The following DPM1 variants were observed in gnomAD, a reference collection of about 807,000 sequenced individuals.
DPM1 encodes the protein dolichyl-phosphate mannosyltransferase subunit 1, catalytic, also known as dolichol-phosphate mannosyltransferase subunit 1.
A neutral mutation model predicts 39.0 loss-of-function variants in DPM1; 27 were observed. The observed-to-expected ratio is 0.69, with a 90% confidence interval of 0.51 to 0.95. The LOEUF (loss-of-function observed/expected upper bound fraction) is 0.95, where lower values mean the gene tolerates loss of function less well. DPM1 is among the 40% of genes least tolerant of loss of function. The pLI, the probability that DPM1 is intolerant of heterozygous loss-of-function variation, is 0.00. For synonymous variants in DPM1, 124 were observed against 109.0 expected (o/e 1.14, Z -0.86); for missense variants, 307 against 315.6 (o/e 0.97, Z 0.21).
rs200223569 is a variant in DPM1, at chr20:50,955,292, A to G, written c.162-7T>C. On this transcript the variant is annotated splice_polypyrimidine_tract_variant and splice_region_variant and intron_variant, in intron 1 of 8. Coordinates refer to ENST00000371588, the MANE Select transcript of DPM1 (RefSeq NM_003859.3). Reference sequence around the variant, plus strand: ...AATTTCATAGTTGATTCCACTAAAAAAATTAAATTTGTATTAATGACTGAT... The same window carrying G: ...AATTTCATAGTTGATTCCACTAAAAGAATTAAATTTGTATTAATGACTGAT... 2 of 1,597,966 alleles carry G rather than the reference A, an allele frequency of 1.3e-6. No individual in the cohort carries two copies. Among genetic ancestry groups the G allele is most frequent in the South Asian group, 2.2e-5 (2 of 90,696 alleles).
chr20:50,948,497 G>A, intron 3 of DPM1, 132 bp downstream of exon 3: 1 of 923,436 alleles, frequency 1.1e-6, no homozygotes, highest in Non-Finnish European at 1.8e-6. Context: ...CCATTTAAAT[G>A]TCATTAAGAT....
intron 5 of DPM1, among the ~76,000 whole-genome samples, chr20:50,943,865 G>A (rs1444694658): frequency 1.3e-5 from 2 of 150,840 alleles, no homozygotes; most frequent in Non-Finnish European, 2.9e-5. Flanking sequence ...TCAGCCTCCC[G>A]AGTAGCTGGG....
At chr20:50,936,026 A>G (rs531697997) in intron 8 of DPM1, 122 bp downstream of exon 8, 5 of 714,660 alleles carry the variant, frequency 7.0e-6, no homozygotes, top group Non-Finnish European at 1.2e-5. Context: ...TGAATATTCT[A>G]AACAACTAGA....
At chr20:50,938,360 A>T (rs996283260) in intron 7 of DPM1, among the ~76,000 whole-genome samples, 1 of 152,062 alleles carries the variant, frequency 6.6e-6, no homozygotes, top group African/African-American at 2.4e-5. Context: ...TCTTATGAGA[A>T]GACAATGAGA....
intron 7 of DPM1, among the ~76,000 whole-genome samples, chr20:50,938,365 A>AT (rs1985390905): frequency 6.6e-6 from 1 of 151,890 alleles, no homozygotes; most frequent in African/African-American, 2.4e-5. Context: ...TGAGAAGACA[A>AT]TGAGATTTAA....
intron 2 of DPM1, among the ~76,000 whole-genome samples, chr20:50,950,727 A>C (rs1185065303): frequency 6.6e-6 from 1 of 152,106 alleles, no homozygotes; most frequent in Non-Finnish European, 1.5e-5. Context: ...AAAATTAGCC[A>C]GGTGTAGTGG....
intron 6 of DPM1, 131 bp from the exon 7 acceptor site, chr20:50,941,064 A>T: frequency 9.7e-7 from 1 of 1,032,190 alleles, no homozygotes; most frequent in East Asian, 2.6e-5. Flanking sequence ...AATGTTATTT[A>T]TCTAGAACAA....
At chr20:50,957,576 T>G (rs1601063531) in intron 1 of DPM1, among the ~76,000 whole-genome samples, 2 of 152,268 alleles carry the variant, frequency 1.3e-5, no homozygotes, top group Middle Eastern at 6.8e-3. Flanking sequence ...CAAAAGGCGC[T>G]GGAAATAATC....
intron 5 of DPM1, 86 bp from the exon 6 acceptor site, chr20:50,942,212 G>T: frequency 8.0e-7 from 1 of 1,243,692 alleles, no homozygotes; most frequent in South Asian, 1.2e-5. Context: ...AAACTTTTAA[G>T]AGAAGTCGAC....
At chr20:50,941,264 A>G (rs1985745721) in intron 6 of DPM1, 1 of 167,962 alleles carries the variant, frequency 6.0e-6, no homozygotes, top group Admixed American at 6.9e-5. Flanking sequence ...ATATATATAT[A>G]AATAAAATAC....
intron 5 of DPM1, among the ~76,000 whole-genome samples, chr20:50,943,886 C>CA (rs1986087500): frequency 6.6e-6 from 1 of 151,970 alleles, no homozygotes; most frequent in African/African-American, 2.4e-5. Flanking sequence ...ACTACAGGTG[C>CA]ACACCACCAT....
At chr20:50,948,185 G>C (rs1410251225) in intron 3 of DPM1, among the ~76,000 whole-genome samples, 1 of 152,176 alleles carries the variant, frequency 6.6e-6, no homozygotes, top group Non-Finnish European at 1.5e-5. Flanking sequence ...TCCTACCTCT[G>C]ACTGGGAATT....
chr20:50,958,482 C>T lies in DPM1; in HGVS notation c.42G>A (p.Arg14=). 3 of 1,614,004 alleles carry T rather than the reference C, an allele frequency of 1.9e-6. No individual in the cohort carries two copies. Among genetic ancestry groups the T allele is most frequent in the Non-Finnish European group, 2.5e-6 (3 of 1,180,034 alleles). Residue 14 remains arginine, a synonymous_variant, in exon 1 of 9, where the codon CGG becomes CGA. Transcript: ENST00000371588. ...LEVSRSPRRS[R]RELEVRSPRQ... is the part of the protein sequence containing the mutation. ...GTGGACTGCGCACTTCCAGCTCCCG[C>T]CGAGACCTGCGAGGACTACGACTGA... is the stretch of plus-strand genomic sequence containing the variant.
At chr20:50,948,740 C>A in intron 2 of DPM1, 78 bp from the exon 3 acceptor site, 11 of 1,252,790 alleles carry the variant, frequency 8.8e-6, no homozygotes, top group South Asian at 1.2e-5. Flanking sequence ...TTCAAAAGTG[C>A]ATACTCACTT....
chr20:50,948,629 C>A lies in DPM1; in HGVS notation c.295G>T (p.Gly99Ter). 1 of 1,613,922 alleles carries A rather than the reference C, an allele frequency of 6.2e-7. No homozygotes were observed. The highest frequency in any genetic ancestry group is 8.5e-7 in the Non-Finnish European group (1 of 1,179,828). The change falls in exon 3 of 9, where the codon GGA becomes TGA. Residue 99 changes from glycine (G) to a stop codon, truncating the protein, a stop_gained and splice_region_variant. Coordinates refer to ENST00000371588, the MANE Select transcript of DPM1 (RefSeq NM_003859.3). LOFTEE classifies it high-confidence loss of function. ...AGGGGTTAGAGATTACACGACTTAC[C>A]TAGTCCCAACTTTTTCTCTCGTGGT... The part of the protein sequence containing the change: ...LRPREKKLGL[G>*]TAYIHGMKHA...
At chr20:50,935,595 T>C (rs920251697) in intron 8 of DPM1, among the ~76,000 whole-genome samples, 16 of 152,212 alleles carry the variant, frequency 1.1e-4, no homozygotes, top group African/African-American at 3.9e-4. Context: ...GCTACAATGG[T>C]TTAGCATTAA....
chr20:50,945,615 A>G (rs1160479393), intron 5 of DPM1, 122 bp downstream of exon 5: 3 of 1,011,066 alleles, frequency 3.0e-6, no homozygotes, highest in South Asian at 3.1e-5. Flanking sequence ...AACTTTGTTT[A>G]TATTTTTGAT....
chr20:50,958,050 A>T (rs1986927086), intron 1 of DPM1, among the ~76,000 whole-genome samples: 1 of 152,236 alleles, frequency 6.6e-6, no homozygotes, highest in Non-Finnish European at 1.5e-5. Flanking sequence ...GAGGAGTGGG[A>T]TCACGCTTTC....
Position 50,948,647 on chromosome 20 carries a change from C to T in DPM1, c.277G>A (p.Glu93Lys). Residue 93 changes from glutamate to lysine, a missense_variant, in exon 3 of 9, where the codon GAG (glutamate) becomes AAG (lysine). Coordinates refer to ENST00000371588, the MANE Select transcript of DPM1 (RefSeq NM_003859.3). ...GACTTACCTAGTCCCAACTTTTTCT[C>T]TCGTGGTCTTAGAAGCTGTAGGAAT... ...GSDRILLRPREKKLGLGTAYI... is the reference protein window; with the variant it reads ...GSDRILLRPRKKKLGLGTAYI... 1 of 1,613,962 alleles carries T rather than the reference C, an allele frequency of 6.2e-7. No individual in the cohort carries two copies. Among genetic ancestry groups the T allele is most frequent in the South Asian group, 1.1e-5 (1 of 91,080 alleles).
Sources: gnomAD v4.1 joint callset for allele counts (sites outside exome capture counted in the v4.1 genomes callset) on GRCh38, gnomAD v4.1.1 for gene constraint, MANE v1.5 for transcripts, NCBI Gene and HGNC (gene_info 2026-07-23, HGNC 2026-07-21) for gene names.